Variants in SYNE1 observed in about 807,000 individuals in gnomAD.
The protein encoded by SYNE1 is nesprin-1.
SYNE1 carries 616 observed loss-of-function variants against 1,111.0 expected under a neutral mutation model. That is an observed-to-expected ratio of 0.55 (90% CI 0.52 to 0.59). SYNE1 has a LOEUF of 0.59. Ranked by LOEUF, SYNE1 falls within the 20% of genes least tolerant of loss-of-function variation. The pLI is 0.00. For synonymous variants in SYNE1, 3,855 were observed against 3,825.8 expected (o/e 1.01, Z -0.28); for missense variants, 10,006 against 10,417.0 (o/e 0.96, Z 1.72).
At position 152,450,790 on chromosome 6, in the gene SYNE1, C is replaced by A. The variant is rs2098641464; in HGVS notation, c.3230G>T (p.Arg1077Met). The A allele has an allele frequency of 1.2e-6, 2 of 1,614,090 alleles. No homozygotes were observed. The highest frequency in any genetic ancestry group is 8.5e-7 in the Non-Finnish European group (1 of 1,180,030). Residue 1077 changes from arginine (R) to methionine (M), a missense_variant, in exon 27 of 146, where the codon AGG becomes ATG. Transcript: ENST00000367255. ...DKGPHHLCEK[R>M]LQLIEELCVK... is the part of the protein sequence containing the mutation. Reference sequence around the variant, plus strand: ...ACAGAGTTCCTCGATGAGCTGTAACCTTTTCTCACAGAGATGATGAGGACC... The same window carrying A: ...ACAGAGTTCCTCGATGAGCTGTAACATTTTCTCACAGAGATGATGAGGACC...
Position 152,419,561 on chromosome 6 carries a change from C to T in SYNE1, c.5421+8G>A, listed in dbSNP as rs750258642. 1.3e-6 allele frequency: 2 copies of T among 1,599,252 alleles called. No homozygotes were observed. Among genetic ancestry groups the T allele is most frequent in the Middle Eastern group, 1.7e-4 (1 of 6,032 alleles). Reference sequence around the variant, plus strand: ...TCTTCAATCTTAAAAAAAAAAAAACCACTTTACCTTATGCCGAGTAAGGGC... The same window carrying T: ...TCTTCAATCTTAAAAAAAAAAAAACTACTTTACCTTATGCCGAGTAAGGGC... On this transcript the variant is annotated splice_region_variant and intron_variant, in intron 40 of 145. Coordinates refer to ENST00000367255, the MANE Select transcript of SYNE1 (RefSeq NM_182961.4).
At chr6:152,231,681 T>G (rs2082780991) in intron 113 of SYNE1, 114 bp from the exon 114 acceptor site, 1 of 1,108,380 alleles carries the variant, frequency 9.0e-7, no homozygotes, top group Non-Finnish European at 1.3e-6. Flanking sequence ...ATAACTCAGC[T>G]GAAATGGCAC....
chr6:152,213,891 G>T, intron 122 of SYNE1, 132 bp from the exon 123 acceptor site: 1 of 1,326,898 alleles, frequency 7.5e-7, no homozygotes, highest in Non-Finnish European at 1.0e-6. Flanking sequence ...ATGTCAGGTG[G>T]TAAAATTATT....
At chr6:152,560,051 T>C (rs2099390031) in intron 3 of SYNE1, among the ~76,000 whole-genome samples, 1 of 151,960 alleles carries the variant, frequency 6.6e-6, no homozygotes, top group Non-Finnish European at 1.5e-5. Context: ...CTACCAAAAC[T>C]GAATCAAGAA....
At chr6:152,334,362 C>T in intron 76 of SYNE1, 89 bp from the exon 77 acceptor site, 1 of 1,422,232 alleles carries the variant, frequency 7.0e-7, no homozygotes. Context: ...GACCTTTAAA[C>T]ACTCTAAGTT....
intron 128 of SYNE1, among the ~76,000 whole-genome samples, chr6:152,183,498 G>A (rs2068728871): frequency 6.6e-6 from 1 of 152,156 alleles, no homozygotes; most frequent in African/African-American, 2.4e-5. Context: ...CTACTCGGGA[G>A]GCTGAGGCAG....
At position 152,544,561 on chromosome 6, in the gene SYNE1, C is replaced by G. The variant is rs551461223; in HGVS notation, c.68-4540G>C. Among the ~76,000 whole-genome samples, 33 of 151,022 alleles carry G rather than the reference C, an allele frequency of 2.2e-4. 1 individual carries two copies. The highest frequency in any genetic ancestry group is 6.8e-4 in the African/African-American group (28 of 41,160). ...AATGAGTTAAAAAAAAAAAAGGGTT[C>G]TGGCTCAGGTATTCAATTTCTGCAT... is the stretch of plus-strand genomic sequence containing the variant. On this transcript the variant is annotated intron_variant, in intron 3 of 145. Coordinates refer to ENST00000367255, the MANE Select transcript of SYNE1 (RefSeq NM_182961.4).
chr6:152,607,294 A>AT (rs1400095629), intron 3 of SYNE1, among the ~76,000 whole-genome samples: 3 of 151,956 alleles, frequency 2.0e-5, no homozygotes, highest in South Asian at 4.1e-4. Context: ...GAATGTCCTT[A>AT]TTTTTTTAAC....
intron 108 of SYNE1, among the ~76,000 whole-genome samples, chr6:152,237,287 A>G (rs2084370597): frequency 6.8e-6 from 1 of 147,302 alleles, no homozygotes; most frequent in African/African-American, 2.5e-5. Context: ...TATGCAGTGT[A>G]CCTTCTATTG....
At chr6:152,450,539 T>G in intron 27 of SYNE1, 86 bp downstream of exon 27, 1 of 1,185,132 alleles carries the variant, frequency 8.4e-7, no homozygotes. Context: ...AAATATGAAA[T>G]AAGTTATTTC....
intron 145 of SYNE1, among the ~76,000 whole-genome samples, chr6:152,124,035 G>A (rs911273582): frequency 6.6e-6 from 1 of 152,226 alleles, no homozygotes; most frequent in Non-Finnish European, 1.5e-5. Flanking sequence ...AAAGAAAAAT[G>A]GGAGAGGGCT....
intron 49 of SYNE1, among the ~76,000 whole-genome samples, chr6:152,398,306 T>C (rs1217602682): frequency 2.0e-5 from 3 of 152,166 alleles, no homozygotes; most frequent in Admixed American, 2.0e-4. Flanking sequence ...ACAATAGTCA[T>C]ATAATACAGA....
chr6:152,495,636 C>G (rs1220819369), intron 11 of SYNE1, among the ~76,000 whole-genome samples: 1 of 152,168 alleles, frequency 6.6e-6, no homozygotes, highest in Non-Finnish European at 1.5e-5. Flanking sequence ...ATTCTGATTA[C>G]CTGTTCCACC....
At chr6:152,605,026 G>A (rs1565141022) in intron 3 of SYNE1, among the ~76,000 whole-genome samples, 2 of 73,268 alleles carry the variant, frequency 2.7e-5, no homozygotes, top group African/African-American at 1.3e-4. Context: ...GAGAGAGAGA[G>A]AGAGAGAGAG....
At chr6:152,406,991 A>G (rs2097911551) in intron 45 of SYNE1, 23 bp downstream of exon 45, 2 of 1,606,878 alleles carry the variant, frequency 1.2e-6, no homozygotes, top group Admixed American at 1.7e-5. Flanking sequence ...ACCAGCTGCC[A>G]TATGTCAACA....
At chr6:152,541,081 C>T (rs1283885154) in intron 3 of SYNE1, among the ~76,000 whole-genome samples, 1 of 152,046 alleles carries the variant, frequency 6.6e-6, no homozygotes, top group Non-Finnish European at 1.5e-5. Flanking sequence ...CGGTACTTTG[C>T]TATGTAACAA....
intron 137 of SYNE1, chr6:152,145,585 G>T: frequency 6.3e-7 from 1 of 1,596,864 alleles, no homozygotes. Context: ...TAAGTTGACA[G>T]CTAAGTTCTG....
At chr6:152,258,798 G>A (rs974431273) in intron 101 of SYNE1, among the ~76,000 whole-genome samples, 2 of 150,606 alleles carry the variant, frequency 1.3e-5, no homozygotes, top group Admixed American at 1.3e-4. Context: ...AGGCTGGAGT[G>A]TAGTGGTGCG....
chr6:152,389,405 T>G (rs1031574154), intron 53 of SYNE1, among the ~76,000 whole-genome samples: 2 of 152,156 alleles, frequency 1.3e-5, no homozygotes, highest in Admixed American at 6.6e-5. Flanking sequence ...CTTCTTTGTA[T>G]GAACTTTAAT....
Sources: gnomAD v4.1 joint callset for allele counts (sites outside exome capture counted in the v4.1 genomes callset) on GRCh38, gnomAD v4.1.1 for gene constraint, MANE v1.5 for transcripts, NCBI Gene and HGNC (gene_info 2026-07-23, HGNC 2026-07-21) for gene names.